The following ATXN10 variants were observed in gnomAD, a reference collection of about 807,000 sequenced individuals.
ATXN10 encodes the protein ataxin-10.
A neutral mutation model predicts 52.9 loss-of-function variants in ATXN10; 28 were observed. That is an observed-to-expected ratio of 0.53 (90% CI 0.39 to 0.73). ATXN10 has a LOEUF of 0.73. ATXN10 is among the 30% of genes least tolerant of loss of function. The probability of loss-of-function intolerance (pLI) is 0.00; values close to 1 mark genes in which losing one functional copy is unlikely to be tolerated. For synonymous variants in ATXN10, 226 were observed against 221.5 expected (o/e 1.02, Z -0.18); for missense variants, 565 against 577.0 (o/e 0.98, Z 0.21).
intron 9 of ATXN10, among the ~76,000 whole-genome samples, chr22:45,741,828 G>A (rs1039094558): frequency 2.0e-5 from 3 of 152,094 alleles, no homozygotes; most frequent in African/African-American, 4.8e-5. Context: ...TGACACAAAC[G>A]GGCAGATTCT....
At chr22:45,692,640 G>T (rs1210283114) in intron 2 of ATXN10, among the ~76,000 whole-genome samples, 1 of 152,182 alleles carries the variant, frequency 6.6e-6, no homozygotes, top group Non-Finnish European at 1.5e-5. Flanking sequence ...TCATCAAAAG[G>T]TGTGATGCTA....
rs1923308775 is a variant in ATXN10, at chr22:45,690,001, G to A, written c.308+98G>A. On this transcript the variant is annotated intron_variant, in intron 2 of 11. Coordinates refer to ENST00000252934, the MANE Select transcript of ATXN10 (RefSeq NM_013236.4). The surrounding 1 kb of genome is among the most constrained non-coding windows in gnomAD (Gnocchi z 4.5). ...TTAGAAGTTGTTTTGGGCTGGGTAA[G>A]GTGGCTCATGCCTGTAATCCCAGCA... 10 of 1,281,068 alleles carry A rather than the reference G, an allele frequency of 7.8e-6. No homozygotes were observed. The highest frequency in any genetic ancestry group is 1.1e-5 in the Non-Finnish European group (10 of 899,824). 79.4% of individuals were successfully genotyped at this position (1,281,068 alleles called of 1,614,324 possible).
chr22:45,702,060 C>A (rs1923861507), intron 4 of ATXN10, among the ~76,000 whole-genome samples: 1 of 152,036 alleles, frequency 6.6e-6, no homozygotes. Context: ...TGCTATTGGC[C>A]AAGTGAAGCT....
chr22:45,750,396 G>A lies in ATXN10; in HGVS notation c.1173+9858G>A, dbSNP rs538943528. Among the ~76,000 whole-genome samples, 22 of 152,118 alleles carry A rather than the reference G, an allele frequency of 1.4e-4. No homozygotes were observed. Among genetic ancestry groups the A allele is most frequent in the Middle Eastern group, 6.8e-3 (2 of 294 alleles). ...CAGGTGTGAGTCACCACGCCCGGCC[G>A]ACAACAGTGATTTTAAATGGATTTG... On this transcript the variant is annotated intron_variant, in intron 9 of 11. Transcript: ENST00000252934. The surrounding 1 kb of genome is among the most constrained non-coding windows in gnomAD (Gnocchi z 4.2).
intron 5 of ATXN10, among the ~76,000 whole-genome samples, chr22:45,713,803 G>T (rs1924342677): frequency 6.6e-6 from 1 of 152,076 alleles, no homozygotes; most frequent in Non-Finnish European, 1.5e-5. Flanking sequence ...ACATTTCTGA[G>T]ATCTTTCCAT....
chr22:45,705,935 G>A lies in ATXN10; in HGVS notation c.647+3088G>A, dbSNP rs950629489. ...CAGGCAAGCAAGCATTCCTGCCTGAGCGCCACTTCTTGTCAGATCATCAGC... is the reference window on the plus strand; with the variant it reads ...CAGGCAAGCAAGCATTCCTGCCTGAACGCCACTTCTTGTCAGATCATCAGC... On this transcript the variant is annotated intron_variant, in intron 5 of 11. Coordinates refer to ENST00000252934, the MANE Select transcript of ATXN10 (RefSeq NM_013236.4). The surrounding 1 kb of genome is among the most constrained non-coding windows in gnomAD (Gnocchi z 5.2). Among the ~76,000 whole-genome samples the A allele has an allele frequency of 1.3e-5, 2 of 152,170 alleles. No individual in the cohort carries two copies. The highest frequency in any genetic ancestry group is 2.9e-5 in the Non-Finnish European group (2 of 68,028).
At chr22:45,758,883 T>G (rs375349585) in intron 9 of ATXN10, among the ~76,000 whole-genome samples, 20 of 152,194 alleles carry the variant, frequency 1.3e-4, no homozygotes, top group African/African-American at 4.8e-4. Flanking sequence ...AGCTTACCGT[T>G]TATTCTGCCC....
chr22:45,782,518 G>A (rs1927184079), intron 9 of ATXN10, among the ~76,000 whole-genome samples: 1 of 152,190 alleles, frequency 6.6e-6, no homozygotes. Flanking sequence ...CTGGGCACAA[G>A]AGAGTGCCTA....
At chr22:45,700,245 A>G (rs967264716) in intron 3 of ATXN10, 37 bp from the exon 4 acceptor site, 1 of 1,275,278 alleles carries the variant, frequency 7.8e-7, no homozygotes, top group Non-Finnish European at 1.1e-6. Context: ...GTGTTTAATC[A>G]TTTATTTATT....
chr22:45,729,616 C>T (rs117607950), intron 7 of ATXN10, 26 bp downstream of exon 7: 35 of 1,613,102 alleles, frequency 2.2e-5, no homozygotes, highest in Middle Eastern at 1.6e-4. Context: ...TTCCCAATCT[C>T]GGGTAAAAGA....
intron 3 of ATXN10, among the ~76,000 whole-genome samples, chr22:45,697,342 C>T (rs907515132): frequency 3.9e-5 from 6 of 152,024 alleles, no homozygotes. Context: ...ACCACATTGG[C>T]CAGGCTGGTC....
rs1322285653 is a variant in ATXN10, at chr22:45,718,402, T to A, written c.648-11T>A. On this transcript the variant is annotated splice_polypyrimidine_tract_variant and intron_variant, in intron 5 of 11. Transcript: ENST00000252934. This position sits in a 1 kb window ranked among gnomAD's most constrained non-coding sequence, Gnocchi z 4.4. ...TCAAGTAACCAAACTTTCCTCCTCT[T>A]TTTTCCCTAGGTTCTTGATTATTAC... The A allele has an allele frequency of 1.2e-6, 2 of 1,610,340 alleles. No individual in the cohort carries two copies. Among genetic ancestry groups the A allele is most frequent in the South Asian group, 2.2e-5 (2 of 90,990 alleles).
Position 45,738,852 on chromosome 22 carries a change from T to G in ATXN10, c.1003+13T>G, listed in dbSNP as rs1446152462. 2 of 1,592,528 alleles carry G rather than the reference T, an allele frequency of 1.3e-6. No homozygotes were observed. Among genetic ancestry groups the G allele is most frequent in the South Asian group, 2.2e-5 (2 of 90,608 alleles). ...GAAAGAGTGATTGGTGAGTGAAATATCACACATTGTATTTTTAGCTAAGAA... is the reference window on the plus strand; with the variant it reads ...GAAAGAGTGATTGGTGAGTGAAATAGCACACATTGTATTTTTAGCTAAGAA... On this transcript the variant is annotated intron_variant, in intron 8 of 11. Transcript: ENST00000252934.
intron 10 of ATXN10, 131 bp downstream of exon 10, chr22:45,807,153 A>C (rs1242277691): frequency 1.3e-6 from 1 of 783,228 alleles, no homozygotes; most frequent in East Asian, 2.5e-5. Flanking sequence ...CCTGAGAACC[A>C]AATCATTTTC....
rs534529929 is a variant in ATXN10 at position 45,835,667 on chromosome 22, G to A, written c.1238-7324G>A. Among the ~76,000 whole-genome samples the A allele has an allele frequency of 7.2e-5, 11 of 152,194 alleles. No individual in the cohort carries two copies. Among genetic ancestry groups the A allele is most frequent in the Non-Finnish European group, 1.3e-4 (9 of 68,026 alleles). On this transcript the variant is annotated intron_variant, in intron 10 of 11. Transcript: ENST00000252934. The surrounding 1 kb of genome is among the most constrained non-coding windows in gnomAD (Gnocchi z 5.0). ...CCACTTCCCTTACGGCCTAGAAGCCGATTAGCAGCCTCAGCTTTCAGTGCA... is the reference window on the plus strand; with the variant it reads ...CCACTTCCCTTACGGCCTAGAAGCCAATTAGCAGCCTCAGCTTTCAGTGCA...
intron 9 of ATXN10, among the ~76,000 whole-genome samples, chr22:45,771,129 A>T (rs181894302): frequency 2.0e-4 from 31 of 152,350 alleles, no homozygotes; most frequent in Admixed American, 6.5e-4. Context: ...AGGTTCACAC[A>T]AAAACCTCTA....
At position 45,843,270 on chromosome 22, in the gene ATXN10, A is replaced by C; in HGVS notation, c.1425+92A>C. The C allele has an allele frequency of 3.7e-6, 5 of 1,358,458 alleles. No homozygotes were observed. Among genetic ancestry groups the C allele is most frequent in the Non-Finnish European group, 5.2e-6 (5 of 957,484 alleles). 84.2% of individuals were successfully genotyped at this position (1,358,458 alleles called of 1,614,324 possible). A position where few individuals can be genotyped will look rare whatever the true frequency, so the allele number is the denominator to read the frequency against. ...CTTCAAGCACGAGGCTCTTTGTAAG[A>C]ATATGGATGGGAGAATTGTGCCCTC... On this transcript the variant is annotated intron_variant, in intron 11 of 11. Transcript: ENST00000252934. The surrounding 1 kb of genome is among the most constrained non-coding windows in gnomAD (Gnocchi z 4.5).
chr22:45,700,353 G>T lies in ATXN10; in HGVS notation c.463G>T (p.Val155Leu). ...TGAAGATTCCCAGTCTATTGTTTGG[G>T]TGCATGCTTTCCCAGAACTGTTTTT... ...RNEDSQSIVW[V>L]HAFPELFLSC... Residue 155 changes from valine (V) to leucine (L), a missense_variant, in exon 4 of 12, where the codon GTG becomes TTG. Transcript: ENST00000252934. The T allele has an allele frequency of 1.2e-6, 2 of 1,613,958 alleles. No individual in the cohort carries two copies.
At position 45,820,918 on chromosome 22, in the gene ATXN10, T is replaced by G. The variant is rs1223689876; in HGVS notation, c.1237+13896T>G. Among the ~76,000 whole-genome samples the G allele has an allele frequency of 6.6e-6, 1 of 152,110 alleles. No homozygotes were observed. Among genetic ancestry groups the G allele is most frequent in the East Asian group, 1.9e-4 (1 of 5,184 alleles). On this transcript the variant is annotated intron_variant, in intron 10 of 11. Coordinates refer to ENST00000252934, the MANE Select transcript of ATXN10 (RefSeq NM_013236.4). This position sits in a 1 kb window ranked among gnomAD's most constrained non-coding sequence, Gnocchi z 4.9. Reference sequence around the variant, plus strand: ...AGCCAGGGAAAAGCACGAATAGAAATGGTTCGAGTTTCTATGAGAAGGACC... The same window carrying G: ...AGCCAGGGAAAAGCACGAATAGAAAGGGTTCGAGTTTCTATGAGAAGGACC...
Sources: gnomAD v4.1 joint callset for allele counts (sites outside exome capture counted in the v4.1 genomes callset) on GRCh38, gnomAD v4.1.1 for gene constraint, Gnocchi (gnomAD v3.1) non-coding constraint, MANE v1.5 for transcripts, NCBI Gene and HGNC (gene_info 2026-07-23, HGNC 2026-07-21) for gene names.